Variants in IFI27 observed in about 807,000 individuals in gnomAD.
The protein encoded by IFI27 is interferon alpha-inducible protein 27, mitochondrial.
IFI27 carries 3 observed loss-of-function variants against 8.9 expected under a neutral mutation model. The observed-to-expected ratio is 0.34, with a 90% CI of 0.15 to 0.87. IFI27 has a LOEUF of 0.87. Among genes scored for constraint, IFI27 ranks in the 40% least tolerant of loss-of-function variants. The pLI is 0.51. For missense variants in IFI27, 152 were observed against 157.7 expected (o/e 0.96, Z 0.19); for synonymous variants, 66 against 67.3 (o/e 0.98, Z 0.09).
chr14:94,114,601 C>A, intron 2 of IFI27: 1 of 525,090 alleles, frequency 1.9e-6, no homozygotes, highest in Non-Finnish European at 3.4e-6. Flanking sequence ...ATCAACCAAC[C>A]AATCAACTAG....
chr14:94,116,438 C>T lies in IFI27; in HGVS notation c.284-4C>T. 6.2e-7 allele frequency: 1 copy of T among 1,608,150 alleles called. No individual in the cohort carries two copies. Among genetic ancestry groups the T allele is most frequent in the Non-Finnish European group, 8.5e-7 (1 of 1,176,252 alleles). ...CACTCTGTCCACCCTCTGCTTCTTC[C>T]CAGGAGCAACTGGACTCTCCGGATT... On this transcript the variant is annotated splice_polypyrimidine_tract_variant and splice_region_variant and intron_variant, in intron 4 of 4. Transcript: ENST00000621160. This position sits in a 1 kb window ranked among gnomAD's most constrained non-coding sequence, Gnocchi z 4.3.
At chr14:94,107,832 T>C (rs1382106169), upstream of IFI27, among the ~76,000 whole-genome samples, 3 of 152,224 alleles carry the variant, frequency 2.0e-5, no homozygotes, top group African/African-American at 2.4e-5. Context: ...TTTCCTACTT[T>C]GGAGGAATTT....
Position 94,116,548 on chromosome 14 carries a change from A to C in IFI27, c.*21A>C. 6.3e-7 allele frequency: 1 copy of C among 1,593,518 alleles called. No individual in the cohort carries two copies. Among genetic ancestry groups the C allele is most frequent in the Non-Finnish European group, 8.6e-7 (1 of 1,165,902 alleles). On this transcript the variant is annotated 3_prime_UTR_variant, in exon 5 of 5. Coordinates refer to ENST00000621160, the Ensembl canonical transcript of IFI27. The surrounding 1 kb of genome is among the most constrained non-coding windows in gnomAD (Gnocchi z 4.3). Reference sequence around the variant, plus strand: ...ACTAGCTCCCTGCCCCTCGCCCTGCAGAGAAGAGAACCATGCCAGGGGAGA... The same window carrying C: ...ACTAGCTCCCTGCCCCTCGCCCTGCCGAGAAGAGAACCATGCCAGGGGAGA...
At chr14:94,110,942 A>T (rs1887157845) in intron 1 of IFI27, 145 bp downstream of exon 1, 2 of 154,398 alleles carry the variant, frequency 1.3e-5, no homozygotes, top group African/African-American at 4.8e-5. Flanking sequence ...TCAGATGGGA[A>T]GGGACTCGAG....
chr14:94,111,888 C>A lies in IFI27; in HGVS notation c.91+115C>A. The A allele has an allele frequency of 1.2e-6, 1 of 831,612 alleles. No individual in the cohort carries two copies. The highest frequency in any genetic ancestry group is 2.0e-6 in the Non-Finnish European group (1 of 488,510). The allele number at this position is 831,612 out of a possible 1,614,324, so 51.5% of individuals were successfully genotyped here. ...TGGGGGACACCCGCAGCCTTGCTGC[C>A]CTGTCCTGTCTTCTCACAGCAGGCG... On this transcript the variant is annotated intron_variant, in intron 2 of 4. Coordinates refer to ENST00000621160, the Ensembl canonical transcript of IFI27. The surrounding 1 kb of genome is among the most constrained non-coding windows in gnomAD (Gnocchi z 4.3).
chr14:94,116,127 T>G lies in IFI27; in HGVS notation c.283+185T>G. On this transcript the variant is annotated intron_variant, in intron 4 of 4. Transcript: ENST00000621160. This position sits in a 1 kb window ranked among gnomAD's most constrained non-coding sequence, Gnocchi z 4.3. ...GGGAAGGAGCCCAAGCCAGGAACAG[T>G]GCACTCAGGAAGACTCAGCCCGAAG... is the stretch of plus-strand genomic sequence containing the variant. 1.3e-6 allele frequency: 1 copy of G among 793,208 alleles called. No homozygotes were observed. Among genetic ancestry groups the G allele is most frequent in the Non-Finnish European group, 2.1e-6 (1 of 468,890 alleles). 49.1% of individuals were successfully genotyped at this position (793,208 alleles called of 1,614,324 possible).
chr14:94,115,722 G>C, intron 3 of IFI27, 59 bp from the exon 4 acceptor site: 1 of 1,539,978 alleles, frequency 6.5e-7, no homozygotes, highest in East Asian at 2.3e-5. Context: ...GCCTGACTCA[G>C]TGTATCTGGG....
At chr14:94,114,716 G>A in intron 2 of IFI27, 135 bp from the exon 3 acceptor site, 1 of 802,044 alleles carries the variant, frequency 1.2e-6, no homozygotes, top group Non-Finnish European at 2.1e-6. Flanking sequence ...GCAAAGAGCG[G>A]TAGACAGGAG....
intron 3 of IFI27, 46 bp from the exon 4 acceptor site, chr14:94,115,735 G>T: frequency 6.4e-7 from 1 of 1,574,070 alleles, no homozygotes; most frequent in Non-Finnish European, 8.6e-7. Context: ...TATCTGGGGG[G>T]GTCCCTTCTG....
chr14:94,111,876 C>T lies in IFI27; in HGVS notation c.91+103C>T. 2.2e-6 allele frequency: 2 copies of T among 899,818 alleles called. No homozygotes were observed. The highest frequency in any genetic ancestry group is 3.7e-6 in the Non-Finnish European group (2 of 542,222). 55.7% of individuals were successfully genotyped at this position (899,818 alleles called of 1,614,324 possible). Reference sequence around the variant, plus strand: ...TGGGAGAGAAAATGGGGGACACCCGCAGCCTTGCTGCCCTGTCCTGTCTTC... The same window carrying T: ...TGGGAGAGAAAATGGGGGACACCCGTAGCCTTGCTGCCCTGTCCTGTCTTC... On this transcript the variant is annotated intron_variant, in intron 2 of 4. Coordinates refer to ENST00000621160, the Ensembl canonical transcript of IFI27. The surrounding 1 kb of genome is among the most constrained non-coding windows in gnomAD (Gnocchi z 4.3).
chr14:94,111,850 G>A lies in IFI27; in HGVS notation c.91+77G>A, dbSNP rs1407703326. On this transcript the variant is annotated intron_variant, in intron 2 of 4. Transcript: ENST00000621160. The surrounding 1 kb of genome is among the most constrained non-coding windows in gnomAD (Gnocchi z 4.3). ...GGGCGGGGGTCCTGTCCCGGGACCC[G>A]TGGGAGAGAAAATGGGGGACACCCG... 1.3e-5 allele frequency: 14 copies of A among 1,110,634 alleles called. No homozygotes were observed. Among genetic ancestry groups the A allele is most frequent in the Admixed American group, 3.4e-5 (2 of 58,354 alleles). The allele number at this position is 1,110,634 out of a possible 1,614,324, so 68.8% of individuals were successfully genotyped here.
In IFI27 at chr14:94,116,189, CTG is replaced by C; in HGVS notation, c.283+248_283+249del. The C allele has an allele frequency of 1.4e-6, 1 of 697,802 alleles. No homozygotes were observed. Among genetic ancestry groups the C allele is most frequent in the Non-Finnish European group, 2.6e-6 (1 of 386,194 alleles). 43.2% of individuals were successfully genotyped at this position (697,802 alleles called of 1,614,324 possible). On this transcript the variant is annotated intron_variant, in intron 4 of 4. Transcript: ENST00000621160. The surrounding 1 kb of genome is among the most constrained non-coding windows in gnomAD (Gnocchi z 4.3). ...GGTTACCTGGGGCGTCTCCTCCCCTCTGGGGTGCAGCCTCCTTCCCTGAAGAG... is the reference window on the plus strand; with the variant it reads ...GGTTACCTGGGGCGTCTCCTCCCCTCGGGTGCAGCCTCCTTCCCTGAAGAG...
upstream of IFI27, among the ~76,000 whole-genome samples, chr14:94,107,068 A>G (rs1199374070): frequency 6.6e-6 from 1 of 151,606 alleles, no homozygotes; most frequent in Non-Finnish European, 1.5e-5. Flanking sequence ...TATATCATTT[A>G]TTATTATTAT....
chr14:94,109,851 C>T (rs1463297999), upstream of IFI27, among the ~76,000 whole-genome samples: 1 of 152,236 alleles, frequency 6.6e-6, no homozygotes, highest in Non-Finnish European at 1.5e-5. Context: ...GGACCTGGTG[C>T]TTTCTCTTCC....
chr14:94,112,087 G>C (rs1887215895), intron 2 of IFI27: 1 of 462,440 alleles, frequency 2.2e-6, no homozygotes, highest in African/African-American at 1.9e-5. Context: ...CCTTCCCCCA[G>C]ATTCACCATC....
At chr14:94,112,103 T>G in intron 2 of IFI27, 1 of 430,742 alleles carries the variant, frequency 2.3e-6, no homozygotes, top group Non-Finnish European at 4.3e-6. Context: ...CCATCAGAAT[T>G]CATCTCCTTT....
At chr14:94,110,249 C>T (rs1266370542), upstream of IFI27, among the ~76,000 whole-genome samples, 1 of 152,176 alleles carries the variant, frequency 6.6e-6, no homozygotes, top group Non-Finnish European at 1.5e-5. Context: ...TAGTTTGCCC[C>T]CATTGCTGGT....
Position 94,116,594 on chromosome 14 carries a change from C to G in IFI27, c.*67C>G. 1 of 1,257,292 alleles carries G rather than the reference C, an allele frequency of 8.0e-7. No individual in the cohort carries two copies. Among genetic ancestry groups the G allele is most frequent in the Non-Finnish European group, 1.1e-6 (1 of 872,768 alleles). The allele number at this position is 1,257,292 out of a possible 1,614,324, so 77.9% of individuals were successfully genotyped here. A position where few individuals can be genotyped will look rare whatever the true frequency, so the allele number is the denominator to read the frequency against. ...GGAGAAGGCACCCAGCCATCCTGAC[C>G]CAGCGAGGAGCCAACTATCCCAAAT... On this transcript the variant is annotated 3_prime_UTR_variant, in exon 5 of 5. Transcript: ENST00000621160. The surrounding 1 kb of genome is among the most constrained non-coding windows in gnomAD (Gnocchi z 4.3).
upstream of IFI27, among the ~76,000 whole-genome samples, chr14:94,107,335 T>C (rs1204269909): frequency 6.6e-6 from 1 of 152,234 alleles, no homozygotes; most frequent in Non-Finnish European, 1.5e-5. Context: ...CTTCCCAAAG[T>C]AGTGGGATTA....
Sources: gnomAD v4.1 joint callset for allele counts (sites outside exome capture counted in the v4.1 genomes callset) on GRCh38, gnomAD v4.1.1 for gene constraint, Gnocchi (gnomAD v3.1) non-coding constraint, MANE v1.5 for transcripts, NCBI Gene and HGNC (gene_info 2026-07-23, HGNC 2026-07-21) for gene names.